Variants in SLCO3A1 observed in about 807,000 individuals in gnomAD.
SLCO3A1 encodes PGE1 transporter.
SLCO3A1 carries 27 observed loss-of-function variants against 63.1 expected under a neutral mutation model. That is an observed-to-expected ratio of 0.43 (90% confidence interval 0.32 to 0.59). The LOEUF is 0.59. Ranked by LOEUF, SLCO3A1 falls within the 20% of genes least tolerant of loss-of-function variation. The pLI is 0.09. For missense variants in SLCO3A1, 773 were observed against 945.8 expected (o/e 0.82, Z 2.40); for synonymous variants, 473 against 409.9 (o/e 1.15, Z -1.86).
chr15:91,965,967 T>C (rs1162430424), intron 2 of SLCO3A1, among the ~76,000 whole-genome samples: 2 of 152,186 alleles, frequency 1.3e-5, no homozygotes, highest in Non-Finnish European at 2.9e-5. Context: ...TGAAGCTTTC[T>C]GAATTCGGTG....
At chr15:91,944,673 C>T (rs996966875) in intron 2 of SLCO3A1, among the ~76,000 whole-genome samples, 8 of 152,090 alleles carry the variant, frequency 5.3e-5, no homozygotes, top group African/African-American at 1.7e-4. Context: ...TCCCACTCTC[C>T]CCCGAGATGC....
At chr15:91,901,562 G>T (rs908579499) in intron 1 of SLCO3A1, among the ~76,000 whole-genome samples, 6 of 152,124 alleles carry the variant, frequency 3.9e-5, no homozygotes, top group African/African-American at 1.2e-4. Context: ...CCAAGTCTCT[G>T]TTTATCTAGG....
rs141360297 is a variant in SLCO3A1, at chr15:91,991,840, T to C, written c.646+75382T>C. Among the ~76,000 whole-genome samples, 549 of 152,348 alleles carry C rather than the reference T, an allele frequency of 3.6e-3. 2 individuals carry two copies. Among genetic ancestry groups the C allele is most frequent in the Non-Finnish European group, 6.1e-3 (416 of 68,030 alleles). ...AACAAGAATTAATTACATGCACATA[T>C]AATGAAGTGGGATTTTATTCATTAT... On this transcript the variant is annotated intron_variant, in intron 2 of 9. Transcript: ENST00000318445.
intron 2 of SLCO3A1, among the ~76,000 whole-genome samples, chr15:92,038,438 A>G (rs1412046701): frequency 1.3e-5 from 2 of 152,222 alleles, no homozygotes; most frequent in African/African-American, 2.4e-5. Flanking sequence ...AAAAATCACA[A>G]GCAATCCTAT....
intron 2 of SLCO3A1, among the ~76,000 whole-genome samples, chr15:91,987,930 G>A (rs1311927083): frequency 6.6e-6 from 1 of 152,030 alleles, no homozygotes; most frequent in East Asian, 1.9e-4. Flanking sequence ...GCCACGTGGA[G>A]GATGTGGGAT....
In SLCO3A1 at chr15:91,885,515, C is replaced by A. The variant is rs1015231686; in HGVS notation, c.181-30478C>A. On this transcript the variant is annotated intron_variant, in intron 1 of 9. Transcript: ENST00000318445. The surrounding 1 kb of genome is among the most constrained non-coding windows in gnomAD (Gnocchi z 4.7). ...ATCATACATTACAGGAAAAGGGAGC[C>A]CTTTGCTGCTGGGCAGCGGGGCCCA... 4.6e-5 allele frequency among the ~76,000 whole-genome samples: 7 copies of A among 152,140 alleles called. No homozygotes were observed. Among genetic ancestry groups the A allele is most frequent in the Non-Finnish European group, 8.8e-5 (6 of 68,010 alleles).
intron 2 of SLCO3A1, among the ~76,000 whole-genome samples, chr15:91,925,562 C>T (rs140068864): frequency 5.9e-4 from 90 of 151,628 alleles, no homozygotes; most frequent in South Asian, 1.3e-3. Flanking sequence ...GTGGTCAGTC[C>T]GGGCATGGTC....
intron 2 of SLCO3A1, among the ~76,000 whole-genome samples, chr15:92,026,881 G>A (rs531281443): frequency 4.6e-5 from 7 of 152,284 alleles, no homozygotes; most frequent in African/African-American, 1.7e-4. Context: ...TTGAGGTCAG[G>A]AGTTCAAGAC....
intron 2 of SLCO3A1, among the ~76,000 whole-genome samples, chr15:91,984,857 T>G (rs1233593607): frequency 6.6e-6 from 1 of 152,224 alleles, no homozygotes; most frequent in Admixed American, 6.5e-5. Flanking sequence ...AAGCTTTTAC[T>G]AGGGGAATGA....
intron 2 of SLCO3A1, among the ~76,000 whole-genome samples, chr15:92,081,373 CAG>C (rs1172948617): frequency 6.6e-6 from 1 of 151,196 alleles, no homozygotes; most frequent in Non-Finnish European, 1.5e-5. Flanking sequence ...TTTTTTGAGA[CAG>C]AGTCTCGCTC....
At position 91,859,582 on chromosome 15, in the gene SLCO3A1, G is replaced by A. The variant is rs1777831828; in HGVS notation, c.180+5494G>A. On this transcript the variant is annotated intron_variant, in intron 1 of 9. Transcript: ENST00000318445. The surrounding 1 kb of genome is among the most constrained non-coding windows in gnomAD (Gnocchi z 5.1). ...TTATTCGATGAGTGTTAGAAGACTG[G>A]GATTCATGCCTATGTCCTCCCCTTA... Among the ~76,000 whole-genome samples, 3 of 152,138 alleles carry A rather than the reference G, an allele frequency of 2.0e-5. No individual in the cohort carries two copies. The highest frequency in any genetic ancestry group is 2.0e-4 in the Admixed American group (3 of 15,272).
At chr15:92,128,971 T>G (rs2047960222) in intron 7 of SLCO3A1, among the ~76,000 whole-genome samples, 1 of 152,258 alleles carries the variant, frequency 6.6e-6, no homozygotes, top group Non-Finnish European at 1.5e-5. Context: ...TCCATGTTCC[T>G]GACACATTTT....
At chr15:92,094,257 C>T (rs1362268856) in intron 2 of SLCO3A1, among the ~76,000 whole-genome samples, 2 of 152,070 alleles carry the variant, frequency 1.3e-5, no homozygotes, top group Non-Finnish European at 2.9e-5. Flanking sequence ...TACAAGCAGC[C>T]ACAACAACAG....
intron 1 of SLCO3A1, among the ~76,000 whole-genome samples, chr15:91,889,452 C>T (rs1208515326): frequency 6.6e-6 from 1 of 152,210 alleles, no homozygotes; most frequent in African/African-American, 2.4e-5. Flanking sequence ...AAGATGTGTA[C>T]ATTAGTCTGA....
chr15:92,055,521 G>A (rs2047011037), intron 2 of SLCO3A1, among the ~76,000 whole-genome samples: 1 of 151,948 alleles, frequency 6.6e-6, no homozygotes, highest in South Asian at 2.1e-4. Flanking sequence ...TCCTCTTAAT[G>A]CAGAACTTCC....
intron 2 of SLCO3A1, among the ~76,000 whole-genome samples, chr15:92,072,609 A>T (rs1260739418): frequency 6.6e-6 from 1 of 152,224 alleles, no homozygotes; most frequent in East Asian, 1.9e-4. Flanking sequence ...AACACCATAA[A>T]TCTGAAATCA....
intron 2 of SLCO3A1, among the ~76,000 whole-genome samples, chr15:92,035,874 G>C (rs2046719131): frequency 6.6e-6 from 1 of 151,832 alleles, no homozygotes; most frequent in Non-Finnish European, 1.5e-5. Context: ...GAAGTTTTGG[G>C]TGGTACCACA....
intron 2 of SLCO3A1, among the ~76,000 whole-genome samples, chr15:91,923,841 T>C (rs1898925665): frequency 6.6e-6 from 1 of 152,240 alleles, no homozygotes; most frequent in Non-Finnish European, 1.5e-5. Context: ...AAGTTTTTCC[T>C]GGGTCATAAA....
chr15:92,000,711 A>T (rs1218672377), intron 2 of SLCO3A1, among the ~76,000 whole-genome samples: 2 of 152,260 alleles, frequency 1.3e-5, no homozygotes, highest in Non-Finnish European at 2.9e-5. Flanking sequence ...AGCACTTTTG[A>T]GATGTACCCA....
Sources: gnomAD v4.1 joint callset for allele counts (sites outside exome capture counted in the v4.1 genomes callset) on GRCh38, gnomAD v4.1.1 for gene constraint, Gnocchi (gnomAD v3.1) non-coding constraint, MANE v1.5 for transcripts, NCBI Gene and HGNC (gene_info 2026-07-23, HGNC 2026-07-21) for gene names.